The following AP5Z1 variants were observed in gnomAD, a reference collection of about 807,000 sequenced individuals.
AP5Z1 encodes the protein adaptor related protein complex 5 subunit zeta 1.
Under a neutral mutation model 83.0 loss-of-function variants are expected in AP5Z1, and 106 were observed. That is an observed-to-expected ratio of 1.28 (90% CI 1.09 to 1.50). The LOEUF is 1.50. Ranked by LOEUF, AP5Z1 falls within the 40% of genes most tolerant of loss-of-function variation. The pLI, the probability that AP5Z1 is intolerant of heterozygous loss-of-function variation, is 0.00. For missense variants in AP5Z1, 1,565 were observed against 1,094.2 expected (o/e 1.43, Z -6.07); for synonymous variants, 751 against 514.1 (o/e 1.46, Z -6.23).
chr7:4,779,636 A>T (rs920522275), intron 1 of AP5Z1, among the ~76,000 whole-genome samples: 1 of 150,242 alleles, frequency 6.7e-6, no homozygotes, highest in Non-Finnish European at 1.5e-5. Context: ...AATTTTTTTT[A>T]TTTTTATTTT....
chr7:4,785,886 C>T (rs959971058), intron 9 of AP5Z1, among the ~76,000 whole-genome samples: 1 of 151,730 alleles, frequency 6.6e-6, no homozygotes, highest in African/African-American at 2.4e-5. Context: ...GGATTACGGG[C>T]ATGAGCCACC....
At chr7:4,782,892 C>T (rs1337453702) in intron 3 of AP5Z1, among the ~76,000 whole-genome samples, 1 of 152,168 alleles carries the variant, frequency 6.6e-6, no homozygotes, top group Non-Finnish European at 1.5e-5. Flanking sequence ...CCTCCCTGCC[C>T]TGACGGCCCT....
At position 4,793,884 on chromosome 7, in the gene AP5Z1, A is replaced by AC. The variant is rs1183460104; in HGVS notation, c.*2500dup. On this transcript the variant is annotated 3_prime_UTR_variant, in exon 17 of 17. Coordinates refer to ENST00000649063, the MANE Select transcript of AP5Z1 (RefSeq NM_014855.3). ...CTGAGGAGTGCCTTTGGAGCAGGGC[A>AC]CGGGACTGGCAGGCAGCTCTACCTG... The AC allele has an allele frequency of 1.3e-5, 2 of 152,688 alleles. No individual in the cohort carries two copies. The highest frequency in any genetic ancestry group is 4.8e-5 in the African/African-American group (2 of 41,478). The allele number at this position is 152,688 out of a possible 1,614,324, so 9.5% of individuals were successfully genotyped here. A position where few individuals can be genotyped will look rare whatever the true frequency, so the allele number is the denominator to read the frequency against.
At chr7:4,790,225 G>A (rs778436860) in intron 14 of AP5Z1, 34 of 1,550,020 alleles carry the variant, frequency 2.2e-5, no homozygotes, top group African/African-American at 2.0e-4. Flanking sequence ...CCTGATGCAT[G>A]CAGGCCCATC....
chr7:4,780,616 AT>A (rs1199532116), intron 1 of AP5Z1, among the ~76,000 whole-genome samples: 8 of 152,062 alleles, frequency 5.3e-5, no homozygotes, highest in Middle Eastern at 3.2e-3. Context: ...ATACAAAAAA[AT>A]TAGCCGGGCG....
In AP5Z1 at chr7:4,791,117, C is replaced by T. The variant is rs749661648; in HGVS notation, c.2156C>T (p.Ala719Val). 3.8e-6 allele frequency: 6 copies of T among 1,588,458 alleles called. No homozygotes were observed. In the Admixed American group the frequency reaches 5.2e-5, roughly 14 times the overall value. Residue 719 changes from alanine to valine, a missense_variant and splice_region_variant, in exon 17 of 17, where the codon GCC becomes GTC. Coordinates refer to ENST00000649063, the MANE Select transcript of AP5Z1 (RefSeq NM_014855.3). ...ACGGAGGGACCTTCTTTCCCCAGGG[C>T]CTCTTTATTGCTGTCAAAGATGAGG... ...ASRSQDLIPR[A>V]SLLLSKMRTL...
In AP5Z1 at chr7:4,787,743, CCTGCTTGACGGCGGTGCTGGACCTGCA is replaced by C; in HGVS notation, c.1422_1448del (p.Cys475_Gln483del). ...ATGCTGCACGCGCTGCTGGACCTGC[CCTGCTTGACGGCGGTGCTGGACCTGCA>C]GCTCAGGTGGGCCCCTCACCCTCTG... On this transcript the variant is annotated inframe_deletion, in exon 11 of 17. Transcript: ENST00000649063. 6.5e-7 allele frequency: 1 copy of C among 1,545,438 alleles called. No homozygotes were observed. The highest frequency in any genetic ancestry group is 8.7e-7 in the Non-Finnish European group (1 of 1,148,472).
At chr7:4,789,084 T>G (rs1299497138) in intron 13 of AP5Z1, 133 bp downstream of exon 13, 5 of 785,784 alleles carry the variant, frequency 6.4e-6, no homozygotes, top group Non-Finnish European at 1.0e-5. Flanking sequence ...ACGGTCCCTG[T>G]GAGGGTCAGG....
At chr7:4,779,483 T>G (rs1006537457) in intron 1 of AP5Z1, among the ~76,000 whole-genome samples, 1 of 127,036 alleles carries the variant, frequency 7.9e-6, no homozygotes, top group Admixed American at 7.6e-5. Flanking sequence ...TATATATATA[T>G]TTTTTTTTGA....
At chr7:4,785,265 C>T (rs555381072) in intron 7 of AP5Z1, 150 bp from the exon 8 acceptor site, 21 of 1,286,488 alleles carry the variant, frequency 1.6e-5, no homozygotes, top group Non-Finnish European at 2.0e-5. Context: ...CACCTGGGCC[C>T]CTCGCCTCAG....
At chr7:4,781,918 T>C (rs1562404901) in intron 3 of AP5Z1, among the ~76,000 whole-genome samples, 164 bp downstream of exon 3, 1 of 152,084 alleles carries the variant, frequency 6.6e-6, no homozygotes. Flanking sequence ...CCCTGTTGAC[T>C]GGAACGGGGT....
chr7:4,778,310 T>G (rs1055345578), intron 1 of AP5Z1, among the ~76,000 whole-genome samples: 1 of 152,056 alleles, frequency 6.6e-6, no homozygotes, highest in African/African-American at 2.4e-5. Context: ...CAAAAAGTGA[T>G]CAAAGATAGC....
At chr7:4,779,578 T>A (rs1781325943) in intron 1 of AP5Z1, among the ~76,000 whole-genome samples, 1 of 151,472 alleles carries the variant, frequency 6.6e-6, no homozygotes. Context: ...CTCAAGCAGT[T>A]CTCCCACCTC....
At chr7:4,775,837 G>T (rs1229993681) in intron 1 of AP5Z1, 81 bp downstream of exon 1, 7 of 1,547,464 alleles carry the variant, frequency 4.5e-6, no homozygotes, top group South Asian at 1.2e-5. Flanking sequence ...CAGGGCAGGG[G>T]CTTGGGCGCC....
Position 4,790,845 on chromosome 7 carries a change from CG to C in AP5Z1, c.2112del (p.Leu705Ter). 1 of 1,608,858 alleles carries C rather than the reference CG, an allele frequency of 6.2e-7. No homozygotes were observed. ...PPQVVTVLMTTLTKLASRSQD... is the reference protein window; with the variant it reads ...PPQVVTVLMTXLTKLASRSQD... ...CAGGTGGTCACCGTGCTGATGACCA[CG>C]CTGACGAAGCTGGCCTCCCGGAGCC... On this transcript the variant is annotated frameshift_variant, in exon 16 of 17. Coordinates refer to ENST00000649063, the MANE Select transcript of AP5Z1 (RefSeq NM_014855.3). LOFTEE classifies it low-confidence loss of function (END_TRUNC).
At chr7:4,781,445 C>T in intron 2 of AP5Z1, 123 bp from the exon 3 acceptor site, 1 of 1,535,168 alleles carries the variant, frequency 6.5e-7, no homozygotes, top group African/African-American at 1.4e-5. Context: ...GCTGAAGGTC[C>T]ATCCTCATGT....
chr7:4,781,811 G>A (rs1781390697), intron 3 of AP5Z1, 57 bp downstream of exon 3: 2 of 1,470,164 alleles, frequency 1.4e-6, no homozygotes, highest in African/African-American at 2.8e-5. Context: ...CAAGGAACAG[G>A]GGAGACAGGA....
Position 4,790,576 on chromosome 7 carries a change from C to T in AP5Z1, c.1923C>T (p.Ser641=), listed in dbSNP as rs773754717. The T allele has an allele frequency of 3.7e-6, 6 of 1,612,926 alleles. No individual in the cohort carries two copies. Among genetic ancestry groups the T allele is most frequent in the Non-Finnish European group, 5.1e-6 (6 of 1,179,868 alleles). ...GSVNGLCSRA[S]LVTSVVWAIG... ...TGAATGGTCTCTGCAGCAGGGCGAGCCTCGTCACCAGCGTGGTAAGGCGGG... is the reference window on the plus strand; with the variant it reads ...TGAATGGTCTCTGCAGCAGGGCGAGTCTCGTCACCAGCGTGGTAAGGCGGG... Residue 641 remains serine, a synonymous_variant, in exon 15 of 17, where the codon AGC becomes AGT. Coordinates refer to ENST00000649063, the MANE Select transcript of AP5Z1 (RefSeq NM_014855.3).
rs374600811 is a variant in AP5Z1 at position 4,785,062 on chromosome 7, C to G, written c.931+14C>G. On this transcript the variant is annotated intron_variant, in intron 7 of 16. Transcript: ENST00000649063. ...AAAGTAACCGACGTGAGTCCCCCAC[C>G]CAGGGCACTGGCCTCCCCAGGGCTC... 8 of 1,585,086 alleles carry G rather than the reference C, an allele frequency of 5.0e-6. No homozygotes were observed. In the Admixed American group the frequency reaches 1.0e-4, roughly 20 times the overall value.
Sources: allele counts gnomAD v4.1 joint callset (sites outside exome capture counted in the v4.1 genomes callset), GRCh38; gene constraint gnomAD v4.1.1; transcripts MANE v1.5; gene names NCBI Gene and HGNC (gene_info 2026-07-23, HGNC 2026-07-21).